Variants in ATRNL1 observed in about 807,000 individuals in gnomAD.
ATRNL1 encodes attractin-like protein 1.
Under a neutral mutation model 182.7 loss-of-function variants are expected in ATRNL1, and 95 were observed. The ratio of observed to expected loss-of-function variants is 0.52; its 90% CI spans 0.44 to 0.62. The LOEUF (loss-of-function observed/expected upper bound fraction) is 0.62. Among genes scored for constraint, ATRNL1 ranks in the 20% least tolerant of loss-of-function variants. ATRNL1 has a pLI of 0.00. For missense variants in ATRNL1, 1,471 were observed against 1,679.5 expected (o/e 0.88, Z 2.17); for synonymous variants, 576 against 568.3 (o/e 1.01, Z -0.19).
At chr10:115,672,686 T>C (rs914516628) in intron 26 of ATRNL1, among the ~76,000 whole-genome samples, 22 of 152,026 alleles carry the variant, frequency 1.4e-4, no homozygotes, top group African/African-American at 5.1e-4. Flanking sequence ...TGCTTATTAC[T>C]AAAAAAAGAT....
intron 8 of ATRNL1, among the ~76,000 whole-genome samples, chr10:115,210,184 T>C (rs1330192692): frequency 6.6e-6 from 1 of 151,996 alleles, no homozygotes; most frequent in Non-Finnish European, 1.5e-5. Flanking sequence ...TAGTTACAGG[T>C]ATATAATTGT....
At chr10:115,374,451 C>CCTTT (rs1554948962) in intron 19 of ATRNL1, among the ~76,000 whole-genome samples, 1 of 121,858 alleles carries the variant, frequency 8.2e-6, no homozygotes, top group Admixed American at 8.3e-5. Flanking sequence ...CTCCTTCCTT[C>CCTTT]CTTTCCTTCC....
At chr10:115,441,263 C>T (rs1416226376) in intron 21 of ATRNL1, among the ~76,000 whole-genome samples, 3 of 151,758 alleles carry the variant, frequency 2.0e-5, no homozygotes, top group Non-Finnish European at 4.4e-5. Context: ...TAAAATTTTT[C>T]TACTCCCCTT....
At position 115,566,152 on chromosome 10, in the gene ATRNL1, C is replaced by G. The variant is rs74158372; in HGVS notation, c.3795+16616C>G. Reference sequence around the variant, plus strand: ...GTCTTGCTGTATGGCCCAGGCTGGTCTTGAACACCTAGGCTTAGGCAGTCC... The same window carrying G: ...GTCTTGCTGTATGGCCCAGGCTGGTGTTGAACACCTAGGCTTAGGCAGTCC... On this transcript the variant is annotated intron_variant, in intron 26 of 28. Transcript: ENST00000355044. Among the ~76,000 whole-genome samples, 590 of 151,888 alleles carry G rather than the reference C, an allele frequency of 3.9e-3. 1 individual carries two copies. Among genetic ancestry groups the G allele is most frequent in the African/African-American group, 0.014 (567 of 41,426 alleles).
chr10:115,912,080 G>C (rs887286553), intron 28 of ATRNL1, among the ~76,000 whole-genome samples: 1 of 152,104 alleles, frequency 6.6e-6, no homozygotes, highest in Non-Finnish European at 1.5e-5. Flanking sequence ...GGAAGCATTT[G>C]GGGGGAAGAA....
At chr10:115,109,105 C>T (rs1169954360) in intron 1 of ATRNL1, among the ~76,000 whole-genome samples, 1 of 152,166 alleles carries the variant, frequency 6.6e-6, no homozygotes, top group Non-Finnish European at 1.5e-5. Context: ...CTTCTGAGCC[C>T]TCATCAGAAT....
chr10:115,475,833 C>G (rs1554973001), intron 24 of ATRNL1, among the ~76,000 whole-genome samples: 7 of 151,100 alleles, frequency 4.6e-5, no homozygotes, highest in Non-Finnish European at 1.0e-4. Context: ...TTTTTAAAAC[C>G]TTTGGTGATT....
intron 26 of ATRNL1, among the ~76,000 whole-genome samples, chr10:115,617,588 C>T (rs1555021243): frequency 6.6e-6 from 1 of 151,836 alleles, no homozygotes; most frequent in Non-Finnish European, 1.5e-5. Context: ...GTGATTTCCT[C>T]ATCTCATGAT....
intron 26 of ATRNL1, among the ~76,000 whole-genome samples, chr10:115,713,083 C>A (rs1455719508): frequency 6.6e-6 from 1 of 151,938 alleles, no homozygotes; most frequent in African/African-American, 2.4e-5. Flanking sequence ...GTGGCTGTTG[C>A]CACTGTATGT....
intron 27 of ATRNL1, among the ~76,000 whole-genome samples, chr10:115,770,097 C>T (rs1285075827): frequency 6.6e-6 from 1 of 151,630 alleles, no homozygotes; most frequent in Non-Finnish European, 1.5e-5. Context: ...TTTCAGGTTT[C>T]AGAAAACCTG....
In ATRNL1 at chr10:115,559,449, C is replaced by T. The variant is rs1002601423; in HGVS notation, c.3795+9913C>T. Reference sequence around the variant, plus strand: ...GTGTGTGTGTGTGTGTGTGTGCGCGCGCGCACGCACGCACATGCGCAACCC... The same window carrying T: ...GTGTGTGTGTGTGTGTGTGTGCGCGTGCGCACGCACGCACATGCGCAACCC... On this transcript the variant is annotated intron_variant, in intron 26 of 28. Coordinates refer to ENST00000355044, the MANE Select transcript of ATRNL1 (RefSeq NM_207303.4). 2.6e-4 allele frequency among the ~76,000 whole-genome samples: 31 copies of T among 121,560 alleles called. 1 individual carries two copies. The South Asian group carries it at 3.8e-3, about 15-fold the overall frequency. 79.7% of individuals were successfully genotyped at this position (121,560 alleles called of 152,430 possible). A position where few individuals can be genotyped will look rare whatever the true frequency, so the allele number is the denominator to read the frequency against.
At chr10:115,241,516 A>C in intron 9 of ATRNL1, 55 bp from the exon 10 acceptor site, 1 of 1,295,356 alleles carries the variant, frequency 7.7e-7, no homozygotes, top group Non-Finnish European at 1.1e-6. Flanking sequence ...AACATATATA[A>C]AATCAGGGAG....
chr10:115,629,849 A>C (rs1858366604), intron 26 of ATRNL1, among the ~76,000 whole-genome samples: 1 of 152,148 alleles, frequency 6.6e-6, no homozygotes, highest in Non-Finnish European at 1.5e-5. Context: ...GGATTGAGGA[A>C]TACTTAAATG....
intron 28 of ATRNL1, among the ~76,000 whole-genome samples, chr10:115,929,588 A>G (rs913778542): frequency 6.6e-6 from 1 of 152,158 alleles, no homozygotes; most frequent in African/African-American, 2.4e-5. Context: ...TCCTCCAGAC[A>G]TGGTCACTTT....
At chr10:115,919,965 AC>A (rs1555118317) in intron 28 of ATRNL1, among the ~76,000 whole-genome samples, 1 of 152,184 alleles carries the variant, frequency 6.6e-6, no homozygotes. Flanking sequence ...TAATATCATC[AC>A]ATTGTGGGCT....
At chr10:115,234,777 C>G (rs1441738173) in intron 9 of ATRNL1, among the ~76,000 whole-genome samples, 1 of 151,748 alleles carries the variant, frequency 6.6e-6, no homozygotes, top group South Asian at 2.1e-4. Flanking sequence ...TTATTAGGGA[C>G]CGGGTTTTGC....
At chr10:115,504,172 AT>A (rs1554980722) in intron 24 of ATRNL1, among the ~76,000 whole-genome samples, 1 of 151,932 alleles carries the variant, frequency 6.6e-6, no homozygotes, top group Non-Finnish European at 1.5e-5. Flanking sequence ...TCTTTTTATC[AT>A]TTACCTAGAT....
At chr10:115,925,250 G>A in intron 28 of ATRNL1, among the ~76,000 whole-genome samples, 1 of 151,946 alleles carries the variant, frequency 6.6e-6, no homozygotes, top group East Asian at 1.9e-4. Context: ...TCTTTCTCTT[G>A]CCTGATTGCC....
intron 8 of ATRNL1, among the ~76,000 whole-genome samples, chr10:115,172,793 C>G (rs1282736577): frequency 6.6e-6 from 1 of 151,518 alleles, no homozygotes; most frequent in East Asian, 1.9e-4. Context: ...CCTACCCATA[C>G]TTCTAAACGT....
Sources: gnomAD v4.1 joint callset for allele counts (sites outside exome capture counted in the v4.1 genomes callset) on GRCh38, gnomAD v4.1.1 for gene constraint, MANE v1.5 for transcripts, NCBI Gene and HGNC (gene_info 2026-07-23, HGNC 2026-07-21) for gene names.